Variants in TENM2 observed in about 807,000 individuals in gnomAD.
TENM2 encodes teneurin-2.
A neutral mutation model predicts 245.2 loss-of-function variants in TENM2; 52 were observed. The ratio of observed to expected loss-of-function variants is 0.21; its 90% CI spans 0.17 to 0.27. TENM2 has a LOEUF of 0.27. Ranked by LOEUF, TENM2 falls within the 10% of genes least tolerant of loss-of-function variation. The probability of loss-of-function intolerance (pLI) is 1.00; values close to 1 mark genes in which losing one functional copy is unlikely to be tolerated. For missense variants in TENM2, 3,046 were observed against 3,666.8 expected (o/e 0.83, Z 4.37); for synonymous variants, 1,363 against 1,438.9 (o/e 0.95, Z 1.19).
intron 3 of TENM2, among the ~76,000 whole-genome samples, chr5:167,907,171 G>A (rs1776151313): frequency 6.6e-6 from 1 of 152,020 alleles, no homozygotes; most frequent in African/African-American, 2.4e-5. Context: ...GGCGGAGGTT[G>A]CAATGAGCCA....
intron 2 of TENM2, among the ~76,000 whole-genome samples, chr5:167,836,428 T>C (rs933877741): frequency 1.3e-5 from 2 of 152,246 alleles, no homozygotes; most frequent in African/African-American, 4.8e-5. Context: ...ATGGTCCAAT[T>C]GAGGTGGCAG....
At chr5:167,472,958 A>G (rs563554510) in intron 2 of TENM2, among the ~76,000 whole-genome samples, 2 of 152,242 alleles carry the variant, frequency 1.3e-5, no homozygotes, top group African/African-American at 2.4e-5. Context: ...TAACTTTTCT[A>G]TGTCCCCACT....
At chr5:167,103,048 G>A in the TENM2 span, among the ~76,000 whole-genome samples, 3 of 152,174 alleles carry the variant, frequency 2.0e-5, no homozygotes, top group Non-Finnish European at 4.4e-5. Flanking sequence ...ATATTTGGCA[G>A]TCACTTCAAG....
intron 2 of TENM2, among the ~76,000 whole-genome samples, chr5:167,601,654 A>G (rs192129841): frequency 6.6e-6 from 1 of 152,310 alleles, no homozygotes; most frequent in East Asian, 1.9e-4. Context: ...TCTTTAATTT[A>G]TGTCTGGAAT....
chr5:167,809,376 A>C (rs1442800178), intron 2 of TENM2, among the ~76,000 whole-genome samples: 1 of 152,056 alleles, frequency 6.6e-6, no homozygotes, highest in Non-Finnish European at 1.5e-5. Context: ...ATGTCATCCC[A>C]CCCATGGATG....
chr5:167,821,241 C>A (rs1198624270), intron 2 of TENM2: 1 of 152,124 alleles, frequency 6.6e-6, no homozygotes, highest in African/African-American at 2.4e-5. Flanking sequence ...AAGCAGGATC[C>A]ATTTAATTTA....
At chr5:167,999,622 G>T (rs906481692) in intron 5 of TENM2, among the ~76,000 whole-genome samples, 2 of 152,124 alleles carry the variant, frequency 1.3e-5, no homozygotes, top group Non-Finnish European at 2.9e-5. Flanking sequence ...GAATCCCTCT[G>T]CTTCGGAGGA....
At chr5:167,806,856 T>C (rs1766215394) in intron 2 of TENM2, among the ~76,000 whole-genome samples, 2 of 151,952 alleles carry the variant, frequency 1.3e-5, no homozygotes, top group Non-Finnish European at 2.9e-5. Context: ...CCAGTTGTCC[T>C]CTCCCAGTGT....
chr5:167,236,935 T>C, the TENM2 span, among the ~76,000 whole-genome samples: 1 of 152,052 alleles, frequency 6.6e-6, no homozygotes, highest in Non-Finnish European at 1.5e-5. Context: ...ACTTAGTTTG[T>C]GTCTGTTCTT....
the TENM2 span, among the ~76,000 whole-genome samples, chr5:167,271,295 A>G: frequency 6.6e-6 from 1 of 152,116 alleles, no homozygotes; most frequent in Admixed American, 6.6e-5. Context: ...CAGGAGGCAC[A>G]TAGGAAAATG....
At chr5:167,399,923 C>T (rs1168529500) in intron 2 of TENM2, among the ~76,000 whole-genome samples, 1 of 151,992 alleles carries the variant, frequency 6.6e-6, no homozygotes, top group Non-Finnish European at 1.5e-5. Flanking sequence ...TACAAAGATA[C>T]TGTAAATTCA....
chr5:167,353,500 G>GTTTTT (rs59240930), intron 1 of TENM2, among the ~76,000 whole-genome samples: 916 of 79,436 alleles, frequency 0.012, 30 homozygotes, highest in African/African-American at 0.018. Context: ...TGTTGTTGTT[G>GTTTTT]TTTTTTTTTT....
chr5:167,571,133 G>A (rs1774241429), intron 2 of TENM2, among the ~76,000 whole-genome samples: 1 of 152,100 alleles, frequency 6.6e-6, no homozygotes, highest in African/African-American at 2.4e-5. Flanking sequence ...CTGTTGAGTG[G>A]GTTTCCTAAC....
At chr5:168,042,612 C>T (rs972651404) in intron 5 of TENM2, among the ~76,000 whole-genome samples, 2 of 152,248 alleles carry the variant, frequency 1.3e-5, no homozygotes, top group African/African-American at 2.4e-5. Context: ...TTACTCGCAA[C>T]GAACCCTGCT....
chr5:168,140,456 G>A (rs1428743874), intron 12 of TENM2, among the ~76,000 whole-genome samples: 2 of 152,232 alleles, frequency 1.3e-5, no homozygotes, highest in African/African-American at 4.8e-5. Flanking sequence ...CCAAATGGCA[G>A]CTAAGCCCCA....
intron 2 of TENM2, among the ~76,000 whole-genome samples, chr5:167,782,310 TCTCAAAAAAA>T (rs1764242974): frequency 1.3e-5 from 1 of 78,134 alleles, no homozygotes; most frequent in Non-Finnish European, 2.2e-5. Flanking sequence ...CAAAACTCTG[TCTCAAAAAAA>T]AAAAAAAAAA....
the TENM2 span, among the ~76,000 whole-genome samples, chr5:167,094,200 CATATA>C: frequency 6.6e-6 from 1 of 152,070 alleles, no homozygotes; most frequent in Non-Finnish European, 1.5e-5. Flanking sequence ...CTATAATTGA[CATATA>C]ATAAACTACA....
chr5:167,680,492 G>T (rs1756632672), intron 2 of TENM2, among the ~76,000 whole-genome samples: 1 of 152,110 alleles, frequency 6.6e-6, no homozygotes. Flanking sequence ...AGTCCTCTAA[G>T]TTACAGTTAG....
At chr5:167,929,061 GAAA>G (rs1778015492) in intron 3 of TENM2, among the ~76,000 whole-genome samples, 2 of 6,270 alleles carry the variant, frequency 3.2e-4, no homozygotes, top group Admixed American at 4.4e-3. Context: ...AAGAAAGAGA[GAAA>G]GAAAGAAAGA....
Sources: allele counts gnomAD v4.1 joint callset (sites outside exome capture counted in the v4.1 genomes callset), GRCh38; gene constraint gnomAD v4.1.1; transcripts MANE v1.5; gene names NCBI Gene and HGNC (gene_info 2026-07-23, HGNC 2026-07-21).